ALS2: variants seen among roughly 807,000 people sequenced by gnomAD.
ALS2 encodes the protein alsin.
A neutral mutation model predicts 203.4 loss-of-function variants in ALS2; 117 were observed. The observed-to-expected ratio is 0.58, with a 90% confidence interval of 0.50 to 0.67. The LOEUF (loss-of-function observed/expected upper bound fraction) is 0.67, where lower values mean the gene tolerates loss of function less well. Ranked by LOEUF, ALS2 falls within the 30% of genes least tolerant of loss-of-function variation. ALS2 has a pLI of 0.00. For missense variants in ALS2, 1,715 were observed against 1,989.4 expected, an observed-to-expected ratio of 0.86 and a Z score of 2.62; for synonymous variants, 718 against 725.9, an observed-to-expected ratio of 0.99 and a Z score of 0.17.
chr2:201,758,229 GA>G (rs944898872), intron 4 of ALS2, among the ~76,000 whole-genome samples: 10 of 149,746 alleles, frequency 6.7e-5, no homozygotes, highest in Non-Finnish European at 1.0e-4. Flanking sequence ...ATTTTATGAA[GA>G]AAAAAAAAGC....
At chr2:201,712,770 G>GAT (rs1690108920) in intron 25 of ALS2, among the ~76,000 whole-genome samples, 1 of 150,388 alleles carries the variant, frequency 6.6e-6, no homozygotes, top group Non-Finnish European at 1.5e-5. Flanking sequence ...AAAAAGAAAA[G>GAT]AAGGTGAAAA....
At position 201,761,665 on chromosome 2, in the gene ALS2, C is replaced by A. The variant is rs758017229; in HGVS notation, c.329G>T (p.Gly110Val). The A allele has an allele frequency of 2.5e-6, 4 of 1,614,036 alleles. No individual in the cohort carries two copies. In the African/African-American group the frequency reaches 5.3e-5, roughly 22 times the overall value. The change falls in exon 4 of 34, where the codon GGT (glycine) becomes GTT (valine). Residue 110 changes from glycine to valine, a missense_variant. By Grantham distance (109) the Gly-to-Val change is moderately radical (BLOSUM62 -3). Coordinates refer to ENST00000264276, the MANE Select transcript of ALS2 (RefSeq NM_020919.4). ...SFHSGAVTDN[G>V]VAYMWGENSA... ...ATTCTCTCCCCACATGTACGCGACA[C>A]CATTGTCTGTCACTGCTCCACTATG...
At chr2:201,743,271 A>ATTTT (rs1692410871) in intron 10 of ALS2, among the ~76,000 whole-genome samples, 1 of 151,968 alleles carries the variant, frequency 6.6e-6, no homozygotes, top group African/African-American at 2.4e-5. Flanking sequence ...TTGAAATAGG[A>ATTTT]AAAGTTTATC....
chr2:201,748,004 T>C (rs1419949811), intron 8 of ALS2, among the ~76,000 whole-genome samples: 1 of 152,172 alleles, frequency 6.6e-6, no homozygotes, highest in African/African-American at 2.4e-5. Flanking sequence ...CAAAAACTAC[T>C]ACCTCTAACC....
chr2:201,707,828 ACCATTCCCT>A, intron 28 of ALS2, 32 bp downstream of exon 28: 1 of 1,607,420 alleles, frequency 6.2e-7, no homozygotes, highest in Non-Finnish European at 8.5e-7. Flanking sequence ...TCATCTAGTC[ACCATTCCCT>A]TTCTTCACTG....
chr2:201,738,725 A>T lies in ALS2; in HGVS notation c.2362T>A (p.Ser788Thr), dbSNP rs1184685995. 5 of 1,613,896 alleles carry T rather than the reference A, an allele frequency of 3.1e-6. No homozygotes were observed. The Admixed American group carries it at 8.3e-5, about 27-fold the overall frequency. The change falls in exon 12 of 34, where the codon TCT becomes ACT. Residue 788 changes from serine (S) to threonine (T), a missense_variant. Physicochemically the swap from Ser to Thr is moderately conservative, Grantham distance 58 (BLOSUM62 1). This residue lies in a region of ALS2 where 1,227 missense variants were observed against 1,413.5 expected (regional missense o/e 0.87). Coordinates refer to ENST00000264276, the MANE Select transcript of ALS2 (RefSeq NM_020919.4). The stretch of plus-strand genomic sequence containing the variant: ...CCCATAACCAGGAAATTTGTAATAG[A>T]TGTGCAATACCTTGAGCAGAAAAGA... ...FLDSYTEYCT[S>T]ITNFLVMGGF...
intron 8 of ALS2, among the ~76,000 whole-genome samples, chr2:201,747,651 G>A (rs1003208162): frequency 1.3e-5 from 2 of 151,854 alleles, no homozygotes; most frequent in East Asian, 1.9e-4. Context: ...GGGTTTCACC[G>A]TGTTAGCCAG....
intron 25 of ALS2, 54 bp from the exon 26 acceptor site, chr2:201,711,162 C>T (rs188087166): frequency 9.7e-5 from 106 of 1,094,046 alleles, no homozygotes; most frequent in African/African-American, 9.0e-4. Context: ...AAGCAAGATA[C>T]GTGTAAATAC....
At chr2:201,744,866 G>A (rs1692527498) in intron 9 of ALS2, among the ~76,000 whole-genome samples, 1 of 152,074 alleles carries the variant, frequency 6.6e-6, no homozygotes, top group Non-Finnish European at 1.5e-5. Context: ...ATGAGACCAG[G>A]GAGGATCTCT....
chr2:201,723,932 T>C (rs1168622328), intron 21 of ALS2, among the ~76,000 whole-genome samples: 1 of 151,862 alleles, frequency 6.6e-6, no homozygotes, highest in African/African-American at 2.4e-5. Context: ...GCCTGGACAA[T>C]ATGGCAAAAC....
chr2:201,731,041 A>C (rs962421592), intron 13 of ALS2, among the ~76,000 whole-genome samples: 6 of 152,204 alleles, frequency 3.9e-5, no homozygotes, highest in Non-Finnish European at 7.3e-5. Context: ...AGTTTTGAGA[A>C]ACAACTACTG....
chr2:201,766,646 T>G (rs1052799132), intron 3 of ALS2, among the ~76,000 whole-genome samples: 25 of 148,634 alleles, frequency 1.7e-4, no homozygotes, highest in African/African-American at 5.6e-4. Flanking sequence ...CAAAACTCAG[T>G]TTCAAAAAAA....
Position 201,741,763 on chromosome 2 carries a change from G to A in ALS2, c.2262C>T (p.Ala754=), listed in dbSNP as rs1320588023. The change falls in exon 11 of 34, where the codon GCC becomes GCT. Residue 754 remains alanine (A), a synonymous_variant. Transcript: ENST00000264276. ...CCCCATGAAGGAAGCTGCTCAATGA[G>A]GCTCCATGCTGACCAATGAGGTAAC... The part of the protein sequence containing the change: ...KLCYLIGQHG[A]SLSSFLHGVK... 2 of 1,614,012 alleles carry A rather than the reference G, an allele frequency of 1.2e-6. No homozygotes were observed. The highest frequency in any genetic ancestry group is 1.7e-6 in the Non-Finnish European group (2 of 1,180,020).
intron 27 of ALS2, among the ~76,000 whole-genome samples, chr2:201,708,439 T>C (rs1689856534): frequency 6.6e-6 from 1 of 152,202 alleles, no homozygotes; most frequent in South Asian, 2.1e-4. Flanking sequence ...CATATGTAGT[T>C]GTGTTGCACG....
At chr2:201,772,479 T>C (rs1395200864) in intron 1 of ALS2, among the ~76,000 whole-genome samples, 1 of 152,224 alleles carries the variant, frequency 6.6e-6, no homozygotes, top group African/African-American at 2.4e-5. Context: ...TGAACTGATA[T>C]GAGGTTATTT....
At chr2:201,760,086 G>T in intron 4 of ALS2, 1 of 870,046 alleles carries the variant, frequency 1.1e-6, no homozygotes, top group Non-Finnish European at 1.4e-6. Context: ...ACTTTGGGAG[G>T]CTGAGGTGGG....
rs758332923 is a variant in ALS2 at position 201,705,229 on chromosome 2, G to A, written c.4627-29C>T. 4.4e-6 allele frequency: 7 copies of A among 1,608,008 alleles called. No individual in the cohort carries two copies. The African/African-American group carries it at 6.7e-5, about 15-fold the overall frequency. On this transcript the variant is annotated intron_variant, in intron 30 of 33. Coordinates refer to ENST00000264276, the MANE Select transcript of ALS2 (RefSeq NM_020919.4). Reference sequence around the variant, plus strand: ...CAAAAAAGAGAGTGAAGGTCAAGGAGGAAAACTATTTTCTGCAACAACAGA... The same window carrying A: ...CAAAAAAGAGAGTGAAGGTCAAGGAAGAAAACTATTTTCTGCAACAACAGA...
chr2:201,717,760 C>G (rs997846854), intron 24 of ALS2, among the ~76,000 whole-genome samples: 2 of 151,548 alleles, frequency 1.3e-5, no homozygotes, highest in African/African-American at 4.8e-5. Context: ...TGAGCAATAG[C>G]AAGACCCAGT....
chr2:201,715,830 T>C lies in ALS2; in HGVS notation c.3846A>G (p.Leu1282=). 2 of 1,614,254 alleles carry C rather than the reference T, an allele frequency of 1.2e-6. No individual in the cohort carries two copies. Among genetic ancestry groups the C allele is most frequent in the Non-Finnish European group, 1.7e-6 (2 of 1,180,038 alleles). ...DKDRPKVFRK[L]GNLAVPADEK... ...CATCAGCTGGCACTGCCAGGTTTCCTAGCTTCCTGCTAATAAAGTCATATC... is the reference window on the plus strand; with the variant it reads ...CATCAGCTGGCACTGCCAGGTTTCCCAGCTTCCTGCTAATAAAGTCATATC... Residue 1282 remains leucine, a synonymous_variant, in exon 25 of 34, where the codon CTA becomes CTG. Coordinates refer to ENST00000264276, the MANE Select transcript of ALS2 (RefSeq NM_020919.4).
Sources: gnomAD v4.1 joint callset for allele counts (sites outside exome capture counted in the v4.1 genomes callset) on GRCh38, gnomAD v4.1.1 for gene constraint, gnomAD v4.1.1 regional missense constraint, MANE v1.5 for transcripts, NCBI Gene and HGNC (gene_info 2026-07-23, HGNC 2026-07-21) for gene names.